The following ZDHHC17 variants were observed in gnomAD, a reference collection of about 807,000 sequenced individuals.
ZDHHC17 encodes the protein zDHHC palmitoyltransferase 17.
In ZDHHC17, 40 loss-of-function variants were observed where a neutral mutation model predicts 90.3. That is an observed-to-expected ratio of 0.44 (90% confidence interval 0.34 to 0.58). ZDHHC17 has a LOEUF of 0.58. Among genes scored for constraint, ZDHHC17 ranks in the 20% least tolerant of loss-of-function variants. The pLI is 0.01. For synonymous variants in ZDHHC17, 235 were observed against 252.4 expected, an observed-to-expected ratio of 0.93 and a Z score of 0.65; for missense variants, 614 against 780.8, an observed-to-expected ratio of 0.79 and a Z score of 2.55.
rs1303303172 is a variant in ZDHHC17 at position 76,815,226 on chromosome 12, A to G, written c.608+16A>G. ...GAACACATAGGTATGTAATGACTATAAAAAACTTATTTAGGCCATTTCAGC... is the reference window on the plus strand; with the variant it reads ...GAACACATAGGTATGTAATGACTATGAAAAACTTATTTAGGCCATTTCAGC... On this transcript the variant is annotated intron_variant, in intron 6 of 16. Transcript: ENST00000426126. The G allele has an allele frequency of 2.0e-6, 3 of 1,533,576 alleles. No homozygotes were observed. The highest frequency in any genetic ancestry group is 2.4e-5 in the East Asian group (1 of 41,732). The allele number at this position is 1,533,576 out of a possible 1,614,324, so 95.0% of individuals were successfully genotyped here.
intron 12 of ZDHHC17, chr12:76,843,798 G>T (rs11115727): frequency 6.6e-6 from 1 of 152,020 alleles, no homozygotes; most frequent in Admixed American, 6.6e-5. Context: ...TCATGTCTTA[G>T]CATCTGATTA....
chr12:76,780,372 C>G (rs1952608365), intron 1 of ZDHHC17, among the ~76,000 whole-genome samples: 1 of 152,176 alleles, frequency 6.6e-6, no homozygotes, highest in South Asian at 2.1e-4. Context: ...TTTCTGTCTC[C>G]TCATGCCCAC....
intron 14 of ZDHHC17, 98 bp from the exon 15 acceptor site, chr12:76,848,135 T>C: frequency 7.9e-7 from 1 of 1,258,972 alleles, no homozygotes; most frequent in Non-Finnish European, 1.1e-6. Flanking sequence ...AAATCTAGAC[T>C]GTTTGACTAT....
chr12:76,809,904 A>G lies in ZDHHC17; in HGVS notation c.543+47A>G, dbSNP rs765579729. On this transcript the variant is annotated intron_variant, in intron 5 of 16. Coordinates refer to ENST00000426126, the MANE Select transcript of ZDHHC17 (RefSeq NM_015336.4). ...TGGATTTTAATCAGATGTTCTTCAT[A>G]GTTTAAATGCCTAATATTATTGGTG... 4.5e-6 allele frequency: 7 copies of G among 1,569,666 alleles called. No homozygotes were observed. In the Admixed American group the frequency reaches 9.1e-5, roughly 20 times the overall value.
chr12:76,764,354 C>T (rs531641199), intron 1 of ZDHHC17, 25 bp downstream of exon 1: 24 of 1,554,534 alleles, frequency 1.5e-5, no homozygotes, highest in Admixed American at 1.3e-4. Flanking sequence ...TGAGTGGATT[C>T]CTTGCCCTGC....
intron 1 of ZDHHC17, among the ~76,000 whole-genome samples, chr12:76,785,107 T>A (rs11115366): frequency 0.011 from 1,682 of 152,336 alleles, 11 homozygotes; most frequent in Non-Finnish European, 0.017. Flanking sequence ...ATCATTAGAC[T>A]TCCACCTTAC....
chr12:76,793,949 G>A (rs372665630), intron 1 of ZDHHC17, among the ~76,000 whole-genome samples: 2 of 152,064 alleles, frequency 1.3e-5, no homozygotes, highest in Admixed American at 6.6e-5. Context: ...ACAGTGGCGC[G>A]ATCGTGGCTC....
At chr12:76,798,106 A>G (rs1182964444) in intron 2 of ZDHHC17, among the ~76,000 whole-genome samples, 1 of 152,192 alleles carries the variant, frequency 6.6e-6, no homozygotes, top group East Asian at 1.9e-4. Flanking sequence ...GTTGGAAAAC[A>G]TTGTTGGAAT....
chr12:76,771,300 T>C (rs1316036381), intron 1 of ZDHHC17, among the ~76,000 whole-genome samples: 1 of 152,246 alleles, frequency 6.6e-6, no homozygotes, highest in Non-Finnish European at 1.5e-5. Context: ...AATGAGATAC[T>C]GTGAACTTAG....
intron 11 of ZDHHC17, 68 bp downstream of exon 11, chr12:76,842,174 G>A: frequency 7.3e-7 from 1 of 1,375,582 alleles, no homozygotes; most frequent in Non-Finnish European, 9.5e-7. Flanking sequence ...GCAGACATTA[G>A]AGGACAGAGG....
Position 76,798,264 on chromosome 12 carries a change from G to A in ZDHHC17, c.197+727G>A, listed in dbSNP as rs138829991. Among the ~76,000 whole-genome samples the A allele has an allele frequency of 1.8e-3, 270 of 152,092 alleles. 1 individual carries two copies. Among genetic ancestry groups the A allele is most frequent in the African/African-American group, 6.1e-3 (255 of 41,488 alleles). ...AAATATCACAGTTTTCTAAAATATC[G>A]TCAAAATACCAGATTATCAGTCTTC... On this transcript the variant is annotated intron_variant, in intron 2 of 16. Transcript: ENST00000426126.
chr12:76,851,089 T>G lies in ZDHHC17; in HGVS notation c.*104T>G. ...CCACATCCTTTGAACAAGAGCATGC[T>G]ATGTGTAGGGCTAATGGTGAATTTT... On this transcript the variant is annotated 3_prime_UTR_variant, in exon 17 of 17. Coordinates refer to ENST00000426126, the MANE Select transcript of ZDHHC17 (RefSeq NM_015336.4). 2 of 1,413,312 alleles carry G rather than the reference T, an allele frequency of 1.4e-6. No homozygotes were observed. Among genetic ancestry groups the G allele is most frequent in the Non-Finnish European group, 1.9e-6 (2 of 1,027,382 alleles). 87.5% of individuals were successfully genotyped at this position (1,413,312 alleles called of 1,614,324 possible).
intron 2 of ZDHHC17, among the ~76,000 whole-genome samples, chr12:76,800,885 CTTTTTTTTTTTT>C (rs71085458): frequency 9.3e-6 from 1 of 108,086 alleles, no homozygotes; most frequent in Non-Finnish European, 1.8e-5. Flanking sequence ...TTTGCCATTT[CTTTTTTTTTTTT>C]TTTTTTTTTA....
chr12:76,764,130 G>A lies in ZDHHC17; in HGVS notation c.-107G>A. 7.1e-6 allele frequency: 6 copies of A among 849,272 alleles called. No individual in the cohort carries two copies. The highest frequency in any genetic ancestry group is 2.8e-5 in the East Asian group (1 of 35,582). The allele number at this position is 849,272 out of a possible 1,614,324, so 52.6% of individuals were successfully genotyped here. ...CAGAGGGGGCGTCACGGGGGCAGGA[G>A]AAGAAGGAGGAGGAGGCCCGCGTCG... On this transcript the variant is annotated 5_prime_UTR_variant, in exon 1 of 17. Transcript: ENST00000426126.
chr12:76,850,949 T>C lies in ZDHHC17; in HGVS notation c.1863T>C (p.Tyr621=), dbSNP rs771837686. 1 of 1,613,952 alleles carries C rather than the reference T, an allele frequency of 6.2e-7. No individual in the cohort carries two copies. The highest frequency in any genetic ancestry group is 8.5e-7 in the Non-Finnish European group (1 of 1,179,872). The stretch of plus-strand genomic sequence containing the variant: ...GGACCAGGCAGTATACAATAGAATA[T>C]GACCAAATATCAGGATCTGGGTACC... ...VDWTRQYTIE[Y]DQISGSGYQL... The change falls in exon 17 of 17, where the codon TAT becomes TAC. Residue 621 remains tyrosine, a synonymous_variant. Transcript: ENST00000426126.
rs1952395255 is a variant in ZDHHC17 at position 76,764,160 on chromosome 12, C to A, written c.-77C>A. ...AGGAGGAGGAGGCCCGCGTCGCCTCCGGCGGGGCTCGCGCTCGCCCCGCGC... is the reference window on the plus strand; with the variant it reads ...AGGAGGAGGAGGCCCGCGTCGCCTCAGGCGGGGCTCGCGCTCGCCCCGCGC... On this transcript the variant is annotated 5_prime_UTR_variant, in exon 1 of 17. Coordinates refer to ENST00000426126, the MANE Select transcript of ZDHHC17 (RefSeq NM_015336.4). 1 of 1,169,950 alleles carries A rather than the reference C, an allele frequency of 8.5e-7. No individual in the cohort carries two copies. The highest frequency in any genetic ancestry group is 1.6e-5 in the African/African-American group (1 of 62,628). The allele number at this position is 1,169,950 out of a possible 1,614,324, so 72.5% of individuals were successfully genotyped here. A position where few individuals can be genotyped will look rare whatever the true frequency, so the allele number is the denominator to read the frequency against.
intron 1 of ZDHHC17, among the ~76,000 whole-genome samples, chr12:76,797,189 G>T (rs1952829840): frequency 6.6e-6 from 1 of 152,014 alleles, no homozygotes; most frequent in Admixed American, 6.6e-5. Flanking sequence ...CTTAAACCTG[G>T]GAGGCAGAGG....
rs1305264211 is a variant in ZDHHC17, at chr12:76,795,292, TTTG to T, written c.94-2132_94-2130del. On this transcript the variant is annotated intron_variant, in intron 1 of 16. Transcript: ENST00000426126. Reference sequence around the variant, plus strand: ...AATATTCCATTAAAACGTTGTTGTTTTTGTTGTTGTTGATCTTGATTACTGCGT... The same window carrying T: ...AATATTCCATTAAAACGTTGTTGTTTTTGTTGTTGATCTTGATTACTGCGT... Among the ~76,000 whole-genome samples the T allele has an allele frequency of 4.0e-5, 6 of 150,366 alleles. No homozygotes were observed. In the East Asian group the frequency reaches 1.2e-3, roughly 29 times the overall value.
At chr12:76,846,774 G>A (rs746220206) in intron 14 of ZDHHC17, 95 bp downstream of exon 14, 23 of 1,126,988 alleles carry the variant, frequency 2.0e-5, no homozygotes, top group Admixed American at 4.8e-5. Flanking sequence ...GACAAAGGTC[G>A]TTTAACTAAA....
Sources: allele counts gnomAD v4.1 joint callset (sites outside exome capture counted in the v4.1 genomes callset), GRCh38; gene constraint gnomAD v4.1.1; transcripts MANE v1.5; gene names NCBI Gene and HGNC (gene_info 2026-07-23, HGNC 2026-07-21).